GPC5: variants seen among roughly 807,000 people sequenced by gnomAD.
GPC5 encodes the protein glypican 5.
A neutral mutation model predicts 53.9 loss-of-function variants in GPC5; 47 were observed. That is an observed-to-expected ratio of 0.87 (90% CI 0.69 to 1.11). GPC5 has a LOEUF of 1.11. Among genes scored for constraint, GPC5 ranks in the 50% most tolerant of loss-of-function variants. The pLI, the probability that GPC5 is intolerant of heterozygous loss-of-function variation, is 0.00. For synonymous variants in GPC5, 286 were observed against 263.3 expected, an observed-to-expected ratio of 1.09 and a Z score of -0.84; for missense variants, 748 against 713.1, an observed-to-expected ratio of 1.05 and a Z score of -0.56.
intron 7 of GPC5, among the ~76,000 whole-genome samples, chr13:92,158,116 G>T (rs2041958690): frequency 6.6e-6 from 1 of 152,162 alleles, no homozygotes; most frequent in African/African-American, 2.4e-5. Flanking sequence ...CAGATGGAGA[G>T]TGGACTAAAA....
At chr13:91,669,551 C>T (rs912390335) in intron 2 of GPC5, among the ~76,000 whole-genome samples, 6 of 151,728 alleles carry the variant, frequency 4.0e-5, no homozygotes, top group Non-Finnish European at 8.8e-5. Flanking sequence ...ATGTCAACTA[C>T]AGGAAGAGCT....
At chr13:91,918,084 G>A (rs1369292250) in intron 6 of GPC5, among the ~76,000 whole-genome samples, 1 of 152,118 alleles carries the variant, frequency 6.6e-6, no homozygotes, top group Admixed American at 6.5e-5. Flanking sequence ...GCATTGCTGG[G>A]GAGGCCTCAG....
intron 7 of GPC5, among the ~76,000 whole-genome samples, chr13:92,480,751 G>GTGTA (rs374569095): frequency 0.63 from 95,005 of 151,966 alleles, 29,944 homozygotes; most frequent in East Asian, 0.74. Flanking sequence ...TTACAGTCAG[G>GTGTA]CAACAAATCA....
At chr13:92,278,801 C>T (rs1461298976) in intron 7 of GPC5, among the ~76,000 whole-genome samples, 2 of 151,996 alleles carry the variant, frequency 1.3e-5, no homozygotes, top group African/African-American at 4.8e-5. Context: ...CCCCCGTTGA[C>T]TTGTCTTGAT....
intron 2 of GPC5, among the ~76,000 whole-genome samples, chr13:91,544,428 G>T (rs1443723604): frequency 6.6e-6 from 1 of 152,120 alleles, no homozygotes; most frequent in African/African-American, 2.4e-5. Flanking sequence ...TTTGCTGCGT[G>T]TCTGTGTTTG....
intron 7 of GPC5, among the ~76,000 whole-genome samples, chr13:92,302,437 A>G (rs2043082167): frequency 6.6e-6 from 1 of 152,212 alleles, no homozygotes; most frequent in Non-Finnish European, 1.5e-5. Context: ...TTGTTACAGT[A>G]GTTAGCTTTA....
At chr13:92,529,351 A>C (rs951136267) in intron 7 of GPC5, among the ~76,000 whole-genome samples, 3 of 152,228 alleles carry the variant, frequency 2.0e-5, no homozygotes, top group Non-Finnish European at 4.4e-5. Context: ...AAGATTTTAC[A>C]TTGTACAAAG....
intron 7 of GPC5, among the ~76,000 whole-genome samples, chr13:92,288,588 C>A (rs2042972377): frequency 6.6e-6 from 1 of 152,110 alleles, no homozygotes; most frequent in African/African-American, 2.4e-5. Flanking sequence ...ATCAGGCACT[C>A]CCCTGGACAA....
At chr13:92,357,876 G>A (rs181363280) in intron 7 of GPC5, among the ~76,000 whole-genome samples, 7 of 151,126 alleles carry the variant, frequency 4.6e-5, no homozygotes, top group Non-Finnish European at 1.0e-4. Flanking sequence ...ATGAGATATG[G>A]GGGGGGACAC....
chr13:92,461,007 T>C (rs767515057), intron 7 of GPC5, among the ~76,000 whole-genome samples: 1 of 152,052 alleles, frequency 6.6e-6, no homozygotes, highest in Non-Finnish European at 1.5e-5. Context: ...GAAAGAAACA[T>C]TGGGTTTTAA....
intron 7 of GPC5, among the ~76,000 whole-genome samples, chr13:92,498,858 C>T (rs374963587): frequency 6.6e-6 from 1 of 152,080 alleles, no homozygotes; most frequent in Non-Finnish European, 1.5e-5. Context: ...TAGATAAACT[C>T]CTAACAATTC....
intron 5 of GPC5, among the ~76,000 whole-genome samples, chr13:91,784,410 G>C (rs765388362): frequency 6.6e-6 from 1 of 152,048 alleles, no homozygotes; most frequent in East Asian, 1.9e-4. Flanking sequence ...ATAAAGCAGG[G>C]AAAAGTCATC....
intron 6 of GPC5, among the ~76,000 whole-genome samples, chr13:92,121,194 G>T (rs1337287811): frequency 1.3e-5 from 2 of 151,934 alleles, no homozygotes; most frequent in East Asian, 3.9e-4. Flanking sequence ...TCCTTTGTTC[G>T]ATTTTCTTCT....
At chr13:91,830,991 TATAATA>T (rs1466399403) in intron 5 of GPC5, among the ~76,000 whole-genome samples, 1 of 136,916 alleles carries the variant, frequency 7.3e-6, no homozygotes, top group Non-Finnish European at 1.5e-5. Context: ...CTATTATATA[TATAATA>T]TATATATCCT....
intron 7 of GPC5, among the ~76,000 whole-genome samples, chr13:92,444,975 A>G (rs1877738727): frequency 6.6e-6 from 1 of 152,140 alleles, no homozygotes; most frequent in African/African-American, 2.4e-5. Flanking sequence ...TTCAGGTGGC[A>G]TACATAGTCC....
intron 7 of GPC5, among the ~76,000 whole-genome samples, chr13:92,422,288 G>A (rs16947579): frequency 0.016 from 2,366 of 151,992 alleles, 74 homozygotes; most frequent in African/African-American, 0.055. Flanking sequence ...CTCCTTAATG[G>A]CAGACATACT....
At chr13:92,821,616 G>A (rs546460393) in intron 7 of GPC5, among the ~76,000 whole-genome samples, 1 of 152,206 alleles carries the variant, frequency 6.6e-6, no homozygotes, top group South Asian at 2.1e-4. Flanking sequence ...ATTTGCCACA[G>A]GATGCATTTC....
chr13:91,681,957 T>G (rs2035517820), intron 2 of GPC5, among the ~76,000 whole-genome samples: 1 of 152,206 alleles, frequency 6.6e-6, no homozygotes, highest in South Asian at 2.1e-4. Flanking sequence ...TTTATTTTGT[T>G]TTTGTGTACA....
chr13:91,568,518 G>C (rs560339638), intron 2 of GPC5, among the ~76,000 whole-genome samples: 23 of 150,912 alleles, frequency 1.5e-4, no homozygotes, highest in Non-Finnish European at 2.9e-4. Context: ...ACAAATTCCT[G>C]AGTTGTACAT....
Sources: allele counts gnomAD v4.1 joint callset (sites outside exome capture counted in the v4.1 genomes callset), GRCh38; gene constraint gnomAD v4.1.1; transcripts MANE v1.5; gene names NCBI Gene and HGNC (gene_info 2026-07-23, HGNC 2026-07-21).